Variants in KHDRBS2 observed in about 807,000 individuals in gnomAD.
The protein encoded by KHDRBS2 is KH RNA binding domain containing, signal transduction associated 2, also known as KH domain-containing, RNA-binding, signal transduction-associated protein 2.
A neutral mutation model predicts 44.3 loss-of-function variants in KHDRBS2; 26 were observed. That is an observed-to-expected ratio of 0.59 (90% CI 0.43 to 0.81). The LOEUF (loss-of-function observed/expected upper bound fraction) is 0.81, where lower values mean the gene tolerates loss of function less well. Ranked by LOEUF, KHDRBS2 falls within the 40% of genes least tolerant of loss-of-function variation. The pLI is 0.00. For synonymous variants in KHDRBS2, 194 were observed against 151.1 expected (o/e 1.28, Z -2.08); for missense variants, 476 against 433.1 (o/e 1.10, Z -0.88).
intron 4 of KHDRBS2, among the ~76,000 whole-genome samples, chr6:61,952,018 T>G (rs569461517): frequency 2.6e-5 from 4 of 152,200 alleles, no homozygotes; most frequent in South Asian, 2.1e-4. Context: ...AAGTTTGCAC[T>G]GGAGAATAAT....
At chr6:61,893,613 G>A (rs549276435) in intron 6 of KHDRBS2, among the ~76,000 whole-genome samples, 1,828 of 152,152 alleles carry the variant, frequency 0.012, 37 homozygotes, top group African/African-American at 0.042. Flanking sequence ...CATGGATGAA[G>A]CTGGAAACCA....
chr6:62,194,480 C>CCTTTTT (rs1825250238), intron 1 of KHDRBS2, among the ~76,000 whole-genome samples: 1 of 69,774 alleles, frequency 1.4e-5, no homozygotes, highest in Non-Finnish European at 2.5e-5. Flanking sequence ...TCTTTTCTTC[C>CCTTTTT]TTTTTTTTTT....
intron 3 of KHDRBS2, 142 bp from the exon 4 acceptor site, chr6:61,978,354 G>GA: frequency 1.8e-6 from 1 of 569,888 alleles, no homozygotes; most frequent in South Asian, 2.7e-5. Flanking sequence ...AACCCTTTGA[G>GA]AAATAAAAAT....
chr6:61,556,041 A>C, the KHDRBS2 span, among the ~76,000 whole-genome samples: 1 of 152,114 alleles, frequency 6.6e-6, no homozygotes, highest in African/African-American at 2.4e-5. Context: ...AGTTCTTGTC[A>C]CCTGGGGCCA....
the KHDRBS2 span, among the ~76,000 whole-genome samples, chr6:61,587,899 T>TAAC: frequency 0.19 from 28,443 of 152,062 alleles, 3,011 homozygotes; most frequent in East Asian, 0.29. Context: ...CTTAGAAAAC[T>TAAC]AACGGTAGAC....
intron 2 of KHDRBS2, among the ~76,000 whole-genome samples, chr6:62,059,212 T>TG (rs1791076462): frequency 8.5e-6 from 1 of 117,430 alleles, no homozygotes; most frequent in East Asian, 2.3e-4. Flanking sequence ...TTTTTTTTTT[T>TG]TTTTTTTTTT....
intron 6 of KHDRBS2, among the ~76,000 whole-genome samples, chr6:61,763,977 A>AC (rs1333506229): frequency 6.6e-6 from 1 of 150,832 alleles, no homozygotes. Context: ...ATGCTTTCCC[A>AC]CCCCCTACCC....
At chr6:61,872,272 T>TA (rs560429230) in intron 6 of KHDRBS2, among the ~76,000 whole-genome samples, 3 of 152,232 alleles carry the variant, frequency 2.0e-5, no homozygotes, top group South Asian at 2.1e-4. Context: ...AGGAAGCAGT[T>TA]AAAAAAACTG....
chr6:61,599,424 C>G, the KHDRBS2 span, among the ~76,000 whole-genome samples: 1 of 151,998 alleles, frequency 6.6e-6, no homozygotes, highest in African/African-American at 2.4e-5. Context: ...ATACCATGGA[C>G]ATGAGTGGAT....
At chr6:62,272,423 C>G (rs1840240631) in intron 1 of KHDRBS2, among the ~76,000 whole-genome samples, 1 of 152,166 alleles carries the variant, frequency 6.6e-6, no homozygotes, top group Admixed American at 6.6e-5. Context: ...ACCTATGTAG[C>G]AGGCTGAGTT....
chr6:62,119,545 C>T (rs1249775008), intron 2 of KHDRBS2, among the ~76,000 whole-genome samples: 1 of 152,138 alleles, frequency 6.6e-6, no homozygotes, highest in Non-Finnish European at 1.5e-5. Context: ...TATGCTCAGC[C>T]TCACCACCTG....
the KHDRBS2 span, among the ~76,000 whole-genome samples, chr6:61,565,696 A>G: frequency 6.6e-6 from 1 of 152,094 alleles, no homozygotes; most frequent in Non-Finnish European, 1.5e-5. Context: ...GAATGCTTGT[A>G]CCCTGTTGGT....
At chr6:61,574,656 A>C in the KHDRBS2 span, among the ~76,000 whole-genome samples, 2 of 152,148 alleles carry the variant, frequency 1.3e-5, no homozygotes, top group Admixed American at 6.6e-5. Flanking sequence ...CTGTAATCCC[A>C]GTGGTTTGAG....
intron 3 of KHDRBS2, among the ~76,000 whole-genome samples, chr6:62,020,526 T>G (rs1782065846): frequency 6.6e-6 from 1 of 152,070 alleles, no homozygotes; most frequent in East Asian, 1.9e-4. Flanking sequence ...TGATCTATAA[T>G]TTACTGATGG....
intron 1 of KHDRBS2, among the ~76,000 whole-genome samples, chr6:62,228,828 G>A (rs1832378525): frequency 6.6e-6 from 1 of 152,064 alleles, no homozygotes; most frequent in Admixed American, 6.5e-5. Context: ...TCCTGTGCCT[G>A]GAGATGTCAC....
chr6:62,285,994 C>A lies in KHDRBS2; in HGVS notation c.-46G>T, dbSNP rs1436102596. On this transcript the variant is annotated 5_prime_UTR_variant, in exon 1 of 9. Transcript: ENST00000281156. ...CCCGGGCGAAGCGCGAGGTTCCGCT[C>A]GCTCGGACGCAGGCAGGGTCTTGGG... 1.6e-6 allele frequency: 2 copies of A among 1,221,516 alleles called. No individual in the cohort carries two copies. Among genetic ancestry groups the A allele is most frequent in the South Asian group, 1.2e-5 (1 of 81,034 alleles). 75.7% of individuals were successfully genotyped at this position (1,221,516 alleles called of 1,614,324 possible).
chr6:62,049,281 A>G (rs1788439107), intron 2 of KHDRBS2, among the ~76,000 whole-genome samples: 2 of 152,072 alleles, frequency 1.3e-5, no homozygotes, highest in East Asian at 1.9e-4. Context: ...AAACAATTGA[A>G]TATCAGTATG....
At chr6:61,683,740 A>G (rs1020889338) in intron 8 of KHDRBS2, among the ~76,000 whole-genome samples, 1 of 151,900 alleles carries the variant, frequency 6.6e-6, no homozygotes, top group Admixed American at 6.6e-5. Context: ...CAAAAGTATC[A>G]TATTTCATGG....
chr6:61,955,090 A>G (rs1230709183), intron 4 of KHDRBS2, among the ~76,000 whole-genome samples: 3 of 130,808 alleles, frequency 2.3e-5, no homozygotes, highest in Admixed American at 7.7e-5. Context: ...ATGTATGCAT[A>G]CATATATGTA....
Sources: gnomAD v4.1 joint callset for allele counts (sites outside exome capture counted in the v4.1 genomes callset) on GRCh38, gnomAD v4.1.1 for gene constraint, MANE v1.5 for transcripts, NCBI Gene and HGNC (gene_info 2026-07-23, HGNC 2026-07-21) for gene names.